CADM2: variants seen among roughly 807,000 people sequenced by gnomAD.
CADM2 encodes cell adhesion molecule 2, also known as immunoglobulin superfamily member 4D.
A neutral mutation model predicts 49.8 loss-of-function variants in CADM2; 12 were observed. The ratio of observed to expected loss-of-function variants is 0.24; its 90% CI spans 0.15 to 0.39. The LOEUF (loss-of-function observed/expected upper bound fraction) is 0.39, where lower values mean the gene tolerates loss of function less well. CADM2 is among the 10% of genes least tolerant of loss of function. The pLI is 1.00. For missense variants in CADM2, 378 were observed against 492.3 expected (o/e 0.77, Z 2.20); for synonymous variants, 214 against 175.4 (o/e 1.22, Z -1.74).
chr3:86,038,043 G>A (rs962361692), intron 8 of CADM2, among the ~76,000 whole-genome samples: 1 of 151,992 alleles, frequency 6.6e-6, no homozygotes, highest in African/African-American at 2.4e-5. Flanking sequence ...GTGCCTATGT[G>A]TTCTCATTGT....
chr3:86,005,280 G>A (rs1730645268), intron 8 of CADM2, among the ~76,000 whole-genome samples: 1 of 152,158 alleles, frequency 6.6e-6, no homozygotes, highest in African/African-American at 2.4e-5. Context: ...GGCCGGGCGT[G>A]GTGGCTCATG....
At chr3:85,327,042 T>C (rs2044773394) in intron 1 of CADM2, among the ~76,000 whole-genome samples, 1 of 151,954 alleles carries the variant, frequency 6.6e-6, no homozygotes, top group Non-Finnish European at 1.5e-5. Context: ...TGTGTCTTTT[T>C]TTTTCTTTTT....
chr3:85,402,419 A>G (rs2035158940), intron 1 of CADM2, among the ~76,000 whole-genome samples: 3 of 152,058 alleles, frequency 2.0e-5, no homozygotes, highest in Non-Finnish European at 2.9e-5. Context: ...GCTCACATAT[A>G]TTTATTAGTT....
intron 1 of CADM2, among the ~76,000 whole-genome samples, chr3:85,465,709 G>A (rs1334108736): frequency 6.6e-6 from 1 of 152,146 alleles, no homozygotes; most frequent in Non-Finnish European, 1.5e-5. Context: ...TTTCCCTGCA[G>A]TGAGAGGACT....
In CADM2 at chr3:84,973,986, A is replaced by C. The variant is rs150171876; in HGVS notation, c.61+14318A>C. On this transcript the variant is annotated intron_variant, in intron 1 of 9. Transcript: ENST00000383699. ...TACCATTTAAGAAGTTTAAAAATAA[A>C]ATGAATTTTTATACAATTATTTAAA... 5.3e-5 allele frequency among the ~76,000 whole-genome samples: 8 copies of C among 152,282 alleles called. No individual in the cohort carries two copies. In the East Asian group the frequency reaches 1.5e-3, roughly 29 times the overall value.
intron 1 of CADM2, among the ~76,000 whole-genome samples, chr3:85,344,551 A>T (rs1283074336): frequency 6.6e-6 from 1 of 151,916 alleles, no homozygotes; most frequent in East Asian, 1.9e-4. Context: ...TGAAGTGGGG[A>T]ATGGAAGACT....
chr3:85,503,175 T>C (rs2040188760), intron 1 of CADM2, among the ~76,000 whole-genome samples: 1 of 152,150 alleles, frequency 6.6e-6, no homozygotes, highest in Non-Finnish European at 1.5e-5. Flanking sequence ...GAAAACTCAG[T>C]GGATGTTAAA....
intron 2 of CADM2, among the ~76,000 whole-genome samples, chr3:85,745,588 G>C (rs1468268010): frequency 1.3e-5 from 2 of 152,246 alleles, no homozygotes; most frequent in Non-Finnish European, 2.9e-5. Context: ...TACGTGGGCT[G>C]GGTGTGGTGG....
chr3:85,207,910 G>C (rs2041689261), intron 1 of CADM2, among the ~76,000 whole-genome samples: 1 of 151,950 alleles, frequency 6.6e-6, no homozygotes, highest in African/African-American at 2.4e-5. Context: ...CCTTTGTTTT[G>C]TGTATATTTC....
chr3:85,687,653 G>A (rs986138372), intron 1 of CADM2, among the ~76,000 whole-genome samples: 1 of 152,176 alleles, frequency 6.6e-6, no homozygotes, highest in African/African-American at 2.4e-5. Context: ...GAGGAAGAAA[G>A]AGGAAGACAT....
At chr3:85,408,382 C>G (rs1314260845) in intron 1 of CADM2, among the ~76,000 whole-genome samples, 1 of 152,132 alleles carries the variant, frequency 6.6e-6, no homozygotes, top group Non-Finnish European at 1.5e-5. Flanking sequence ...TTGACGATGA[C>G]TAGTCTAATT....
At chr3:85,076,951 A>ACT (rs1359250336) in intron 1 of CADM2, among the ~76,000 whole-genome samples, 1 of 152,144 alleles carries the variant, frequency 6.6e-6, no homozygotes, top group East Asian at 1.9e-4. Context: ...CAGCCTGGGC[A>ACT]CCAGAGAGAG....
intron 1 of CADM2, among the ~76,000 whole-genome samples, chr3:85,426,220 C>G (rs1283277414): frequency 6.6e-6 from 1 of 151,746 alleles, no homozygotes; most frequent in Non-Finnish European, 1.5e-5. Flanking sequence ...TGGCTCACTG[C>G]AGCCTCGACC....
chr3:85,527,076 G>A (rs999763025), intron 1 of CADM2, among the ~76,000 whole-genome samples: 10 of 152,046 alleles, frequency 6.6e-5, no homozygotes, highest in African/African-American at 2.4e-4. Context: ...GCTATTTTGT[G>A]TGCTAATTAT....
chr3:85,707,401 T>TTC (rs2066984451), intron 1 of CADM2, among the ~76,000 whole-genome samples: 1 of 150,928 alleles, frequency 6.6e-6, no homozygotes, highest in Non-Finnish European at 1.5e-5. Context: ...ATCTTTTTTT[T>TTC]TTTTTTTTTG....
intron 1 of CADM2, among the ~76,000 whole-genome samples, chr3:85,175,673 G>A (rs1272064560): frequency 6.6e-6 from 1 of 152,060 alleles, no homozygotes; most frequent in Non-Finnish European, 1.5e-5. Context: ...GAATGGTGGT[G>A]ACAACAATGC....
intron 1 of CADM2, among the ~76,000 whole-genome samples, chr3:85,675,497 A>T (rs932486952): frequency 2.6e-5 from 4 of 152,188 alleles, no homozygotes; most frequent in Non-Finnish European, 5.9e-5. Context: ...GGATCAGAGG[A>T]CTGATTTTTA....
chr3:85,913,279 A>C (rs1717863927), intron 6 of CADM2, among the ~76,000 whole-genome samples: 3 of 152,164 alleles, frequency 2.0e-5, no homozygotes. Flanking sequence ...AGACAATTAT[A>C]TATACTAATC....
At chr3:84,969,574 A>G (rs1237605790) in intron 1 of CADM2, among the ~76,000 whole-genome samples, 4 of 150,946 alleles carry the variant, frequency 2.6e-5, no homozygotes, top group Admixed American at 1.3e-4. Flanking sequence ...TCTTGACACA[A>G]CTCTTTAATT....
Sources: gnomAD v4.1 joint callset for allele counts (sites outside exome capture counted in the v4.1 genomes callset) on GRCh38, gnomAD v4.1.1 for gene constraint, MANE v1.5 for transcripts, NCBI Gene and HGNC (gene_info 2026-07-23, HGNC 2026-07-21) for gene names.